The following PPP5C variants were observed in gnomAD, a reference collection of about 807,000 sequenced individuals.
PPP5C encodes the protein protein phosphatase 5 catalytic subunit, also known as serine/threonine-protein phosphatase 5.
A neutral mutation model predicts 66.7 loss-of-function variants in PPP5C; 21 were observed. The ratio of observed to expected loss-of-function variants is 0.31; its 90% CI spans 0.22 to 0.45. The LOEUF is 0.45. PPP5C is among the 20% of genes least tolerant of loss of function. The probability of loss-of-function intolerance (pLI) is 1.00; values close to 1 mark genes in which losing one functional copy is unlikely to be tolerated. For synonymous variants in PPP5C, 246 were observed against 257.4 expected (o/e 0.96, Z 0.43); for missense variants, 464 against 675.9 (o/e 0.69, Z 3.48).
intron 1 of PPP5C, among the ~76,000 whole-genome samples, chr19:46,349,282 C>T (rs367635988): frequency 4.0e-5 from 6 of 150,728 alleles, no homozygotes; most frequent in African/African-American, 1.2e-4. Context: ...CAACAGACTC[C>T]GTCTCAAGAA....
At chr19:46,379,583 T>C (rs1972755243) in intron 4 of PPP5C, among the ~76,000 whole-genome samples, 1 of 152,280 alleles carries the variant, frequency 6.6e-6, no homozygotes, top group South Asian at 2.1e-4. Context: ...ATGTCTCTTT[T>C]CTATATGTCC....
chr19:46,360,722 T>C (rs537426240), intron 2 of PPP5C, among the ~76,000 whole-genome samples: 1 of 152,288 alleles, frequency 6.6e-6, no homozygotes, highest in South Asian at 2.1e-4. Flanking sequence ...AAGGTGGTCT[T>C]GAACTAGCCT....
chr19:46,386,806 C>T, intron 7 of PPP5C: 1 of 489,708 alleles, frequency 2.0e-6, no homozygotes, highest in Non-Finnish European at 3.7e-6. Flanking sequence ...ATAGAGAGGT[C>T]TCAGTATATT....
At chr19:46,354,515 C>A (rs776252858) in intron 2 of PPP5C, among the ~76,000 whole-genome samples, 1 of 152,096 alleles carries the variant, frequency 6.6e-6, no homozygotes, top group African/African-American at 2.4e-5. Context: ...GAAGGGCAGT[C>A]GGGCACAGTG....
intron 2 of PPP5C, among the ~76,000 whole-genome samples, chr19:46,374,113 C>T (rs1601432565): frequency 1.3e-5 from 2 of 152,202 alleles, no homozygotes; most frequent in East Asian, 3.8e-4. Flanking sequence ...TACACCCACC[C>T]ACAGCCCAGG....
At chr19:46,348,006 G>A (rs1215646354) in intron 1 of PPP5C, among the ~76,000 whole-genome samples, 2 of 151,808 alleles carry the variant, frequency 1.3e-5, no homozygotes, top group Non-Finnish European at 2.9e-5. Context: ...TGAGTGCTTT[G>A]AAAGCAAACC....
At chr19:46,361,679 C>T (rs1257406914) in intron 2 of PPP5C, among the ~76,000 whole-genome samples, 1 of 147,234 alleles carries the variant, frequency 6.8e-6, no homozygotes, top group Non-Finnish European at 1.5e-5. Flanking sequence ...ACAGGAAAAT[C>T]ACTTGAATCC....
chr19:46,388,742 G>A lies in PPP5C; in HGVS notation c.1355+11G>A. On this transcript the variant is annotated intron_variant, in intron 11 of 12. Coordinates refer to ENST00000012443, the MANE Select transcript of PPP5C (RefSeq NM_006247.4). This position sits in a 1 kb window ranked among gnomAD's most constrained non-coding sequence, Gnocchi z 4.9. ...TGCCCCCAACTACTGGTATGTCTTT[G>A]CCTTTCCAGCCCAGGGCCTCTACCA... 1 of 1,611,572 alleles carries A rather than the reference G, an allele frequency of 6.2e-7. No homozygotes were observed. The highest frequency in any genetic ancestry group is 1.7e-5 in the Admixed American group (1 of 59,870).
At chr19:46,352,536 C>G (rs2003577) in intron 1 of PPP5C, among the ~76,000 whole-genome samples, 83,739 of 152,070 alleles carry the variant, frequency 0.55, 23,241 homozygotes, top group South Asian at 0.74. Context: ...AGGCCCACTT[C>G]TCGGCCAGGC....
Position 46,388,784 on chromosome 19 carries a change from CTTGGTTTTTGTT to C in PPP5C, c.1355+57_1355+68del, listed in dbSNP as rs1601448466. 1.9e-6 allele frequency: 3 copies of C among 1,574,142 alleles called. No homozygotes were observed. The highest frequency in any genetic ancestry group is 1.2e-5 in the South Asian group (1 of 86,376). On this transcript the variant is annotated intron_variant, in intron 11 of 12. Transcript: ENST00000012443. This position sits in a 1 kb window ranked among gnomAD's most constrained non-coding sequence, Gnocchi z 4.9. ...CCTCTACCAAGCCACGGGTTTTTGT[CTTGGTTTTTGTT>C]TTGCCTTTTTATGATGGAACATTTC...
chr19:46,389,325 AC>A (rs1972951834), intron 11 of PPP5C, among the ~76,000 whole-genome samples: 1 of 147,466 alleles, frequency 6.8e-6, no homozygotes, highest in African/African-American at 2.6e-5. Context: ...CCATCTCAAA[AC>A]ACACGCACAC....
chr19:46,354,556 G>A (rs1465958501), intron 2 of PPP5C, among the ~76,000 whole-genome samples: 1 of 152,156 alleles, frequency 6.6e-6, no homozygotes, highest in Non-Finnish European at 1.5e-5. Flanking sequence ...CACTTTGGGA[G>A]GCCAGGGTGA....
chr19:46,376,474 G>T lies in PPP5C; in HGVS notation c.533G>T (p.Gly178Val), dbSNP rs779264630. The change falls in exon 4 of 13, where the codon GGA becomes GTA. Residue 178 changes from glycine (G) to valine (V), a missense_variant. Coordinates refer to ENST00000012443, the MANE Select transcript of PPP5C (RefSeq NM_006247.4). This position sits in a 1 kb window ranked among gnomAD's most constrained non-coding sequence, Gnocchi z 5.1. ...ESMTIEDEYSGPKLEDGKVTI... is the reference protein window; with the variant it reads ...ESMTIEDEYSVPKLEDGKVTI... ...CTAGCCATTGAGGATGAGTACAGCG[G>T]ACCCAAGCTTGAAGACGGCAAAGTG... 6.2e-7 allele frequency: 1 copy of T among 1,613,734 alleles called. No homozygotes were observed. The highest frequency in any genetic ancestry group is 8.5e-7 in the Non-Finnish European group (1 of 1,179,832).
chr19:46,367,213 T>C (rs959506397), intron 2 of PPP5C, among the ~76,000 whole-genome samples: 3 of 152,256 alleles, frequency 2.0e-5, no homozygotes, highest in Non-Finnish European at 4.4e-5. Context: ...TTACGGTTTC[T>C]TAGGAATTAT....
Position 46,348,172 on chromosome 19 carries a change from C to T in PPP5C, c.121+955C>T, listed in dbSNP as rs532068503. Among the ~76,000 whole-genome samples the T allele has an allele frequency of 1.1e-3, 161 of 151,942 alleles. 1 individual carries two copies. Among genetic ancestry groups the T allele is most frequent in the African/African-American group, 3.6e-3 (149 of 41,414 alleles). On this transcript the variant is annotated intron_variant, in intron 1 of 12. Transcript: ENST00000012443. ...AGGTAAAGCAGCCTGTGCAAAGGCCCTGGGATGGGGAATGAAAGGGTACTG... is the reference window on the plus strand; with the variant it reads ...AGGTAAAGCAGCCTGTGCAAAGGCCTTGGGATGGGGAATGAAAGGGTACTG...
Position 46,376,594 on chromosome 19 carries a change from C to T in PPP5C, c.633+20C>T. 6.2e-7 allele frequency: 1 copy of T among 1,611,114 alleles called. No individual in the cohort carries two copies. Among genetic ancestry groups the T allele is most frequent in the Non-Finnish European group, 8.5e-7 (1 of 1,178,162 alleles). On this transcript the variant is annotated intron_variant, in intron 4 of 12. Coordinates refer to ENST00000012443, the MANE Select transcript of PPP5C (RefSeq NM_006247.4). This position sits in a 1 kb window ranked among gnomAD's most constrained non-coding sequence, Gnocchi z 5.1. ...TACCAGGTAATGCATCTGTCAGGTA[C>T]TGGGCACCCGGGAACCCTGGGATGG...
Position 46,390,530 on chromosome 19 carries a change from A to T in PPP5C, c.*184A>T. The T allele has an allele frequency of 7.0e-7, 1 of 1,420,592 alleles. No homozygotes were observed. The highest frequency in any genetic ancestry group is 9.2e-7 in the Non-Finnish European group (1 of 1,081,630). 88.0% of individuals were successfully genotyped at this position (1,420,592 alleles called of 1,614,324 possible). ...AGGGGCAGAGTCAGGGGCTGGCCAG[A>T]GGGTCTGCTCCCTGGACAGAGAGGA... On this transcript the variant is annotated 3_prime_UTR_variant, in exon 13 of 13. Coordinates refer to ENST00000012443, the MANE Select transcript of PPP5C (RefSeq NM_006247.4).
intron 2 of PPP5C, among the ~76,000 whole-genome samples, chr19:46,373,672 C>T (rs1972635988): frequency 6.6e-6 from 1 of 151,506 alleles, no homozygotes; most frequent in Admixed American, 6.6e-5. Flanking sequence ...AATTCATTGA[C>T]TGCTGCACGC....
At chr19:46,382,768 CA>C in intron 4 of PPP5C, 1 of 985,094 alleles carries the variant, frequency 1.0e-6, no homozygotes, top group Non-Finnish European at 1.2e-6. Context: ...AGAAATTCAT[CA>C]TTGATGTGAT....
Sources: gnomAD v4.1 joint callset for allele counts (sites outside exome capture counted in the v4.1 genomes callset) on GRCh38, gnomAD v4.1.1 for gene constraint, Gnocchi (gnomAD v3.1) non-coding constraint, MANE v1.5 for transcripts, NCBI Gene and HGNC (gene_info 2026-07-23, HGNC 2026-07-21) for gene names.